The following UVRAG variants were observed in gnomAD, a reference collection of about 807,000 sequenced individuals.
UVRAG encodes the protein UV radiation resistance-associated gene protein.
In UVRAG, 19 loss-of-function variants were observed where a neutral mutation model predicts 78.0. That is an observed-to-expected ratio of 0.24 (90% CI 0.17 to 0.36). The LOEUF is 0.36. Among genes scored for constraint, UVRAG ranks in the 10% least tolerant of loss-of-function variants. The probability of loss-of-function intolerance (pLI) is 1.00; values close to 1 mark genes in which losing one functional copy is unlikely to be tolerated. For missense variants in UVRAG, 740 were observed against 853.8 expected, an observed-to-expected ratio of 0.87 and a Z score of 1.66; for synonymous variants, 323 against 324.6, an observed-to-expected ratio of 1.00 and a Z score of 0.05.
chr11:75,885,139 A>G lies in UVRAG; in HGVS notation c.433-3690A>G, dbSNP rs565941181. 8.6e-5 allele frequency among the ~76,000 whole-genome samples: 13 copies of G among 151,498 alleles called. No homozygotes were observed. The South Asian group carries it at 2.5e-3, about 29-fold the overall frequency. On this transcript the variant is annotated intron_variant, in intron 4 of 14. Transcript: ENST00000356136. ...TTCTTTTTTAATATTTCTGTTTTCA[A>G]TTTTTTTTGCTAGTATATGTAGAAA... is the stretch of plus-strand genomic sequence containing the variant.
intron 13 of UVRAG, among the ~76,000 whole-genome samples, chr11:76,089,034 C>T (rs904734839): frequency 6.6e-6 from 1 of 152,146 alleles, no homozygotes; most frequent in African/African-American, 2.4e-5. Context: ...TAGACTGAAC[C>T]AGTGACCTTC....
At chr11:76,049,343 A>G (rs1950820430) in intron 12 of UVRAG, among the ~76,000 whole-genome samples, 1 of 152,230 alleles carries the variant, frequency 6.6e-6, no homozygotes, top group South Asian at 2.1e-4. Flanking sequence ...TGGAAGTTAC[A>G]TGAATGAGAT....
intron 3 of UVRAG, among the ~76,000 whole-genome samples, chr11:75,864,185 A>T (rs964336309): frequency 1.3e-5 from 2 of 151,676 alleles, no homozygotes; most frequent in African/African-American, 2.4e-5. Flanking sequence ...CCTCCCAAGG[A>T]GCTGGGACTA....
intron 2 of UVRAG, 48 bp downstream of exon 2, chr11:75,852,048 T>C: frequency 7.3e-7 from 1 of 1,372,184 alleles, no homozygotes; most frequent in East Asian, 2.4e-5. Context: ...ATATTTTTAT[T>C]TTTTTTGTAA....
Position 75,910,181 on chromosome 11 carries a change from A to C in UVRAG, c.508-1773A>C, listed in dbSNP as rs539138741. ...TCACAGTTATTAGCATAAAGTTGTT[A>C]ATAATATTCTCCTAATATCCTTTAA... On this transcript the variant is annotated intron_variant, in intron 5 of 14. Transcript: ENST00000356136. 2.6e-5 allele frequency among the ~76,000 whole-genome samples: 4 copies of C among 152,372 alleles called. No homozygotes were observed. In the East Asian group the frequency reaches 7.7e-4, roughly 29 times the overall value.
In UVRAG at chr11:76,044,216, C is replaced by A. The variant is rs376722790; in HGVS notation, c.1227-21494C>A. 6.6e-5 allele frequency among the ~76,000 whole-genome samples: 10 copies of A among 152,194 alleles called. No individual in the cohort carries two copies. In the South Asian group the frequency reaches 8.3e-4, roughly 13 times the overall value. ...ACCTCTGTAGGAGGTTGAGAAATGT[C>A]TTTTTTCTAAGTGGCTTTTAAACTT... On this transcript the variant is annotated intron_variant, in intron 12 of 14. Transcript: ENST00000356136.
rs185349822 is a variant in UVRAG, at chr11:76,004,505, A to T, written c.911+416A>T. 9.9e-5 allele frequency among the ~76,000 whole-genome samples: 15 copies of T among 151,580 alleles called. 1 individual carries two copies. Among genetic ancestry groups the T allele is most frequent in the Non-Finnish European group, 4.4e-5 (3 of 67,894 alleles). On this transcript the variant is annotated intron_variant, in intron 9 of 14. Transcript: ENST00000356136. Reference sequence around the variant, plus strand: ...TTATCTCTCTAACATCAGTCTCTTCATCTTTCCAGATTGTTCTCCATGCTA... The same window carrying T: ...TTATCTCTCTAACATCAGTCTCTTCTTCTTTCCAGATTGTTCTCCATGCTA...
In UVRAG at chr11:76,142,252, G is replaced by C. The variant is rs1254798853; in HGVS notation, c.*839G>C. 1.3e-5 allele frequency: 2 copies of C among 152,164 alleles called. No homozygotes were observed. Among genetic ancestry groups the C allele is most frequent in the Non-Finnish European group, 2.9e-5 (2 of 68,024 alleles). The allele number at this position is 152,164 out of a possible 1,614,324, so 9.4% of individuals were successfully genotyped here. A position where few individuals can be genotyped will look rare whatever the true frequency, so the allele number is the denominator to read the frequency against. On this transcript the variant is annotated 3_prime_UTR_variant, in exon 15 of 15. Transcript: ENST00000356136. The stretch of plus-strand genomic sequence containing the variant: ...AGTTTTTATGTGGGCAGATGCTGTG[G>C]TCAGGAACTAGGCATGCTTTCTGGC...
chr11:76,125,429 T>G (rs1952366822), intron 14 of UVRAG, among the ~76,000 whole-genome samples: 1 of 152,220 alleles, frequency 6.6e-6, no homozygotes, highest in Admixed American at 6.5e-5. Flanking sequence ...GGGACCAGGC[T>G]TCTTCCATAA....
chr11:76,056,636 A>G (rs920328755), intron 12 of UVRAG, among the ~76,000 whole-genome samples: 1 of 152,200 alleles, frequency 6.6e-6, no homozygotes, highest in Non-Finnish European at 1.5e-5. Flanking sequence ...TGGTATTAAC[A>G]TGTTTATCTT....
At chr11:75,846,891 T>A (rs1168013190) in intron 1 of UVRAG, among the ~76,000 whole-genome samples, 1 of 152,124 alleles carries the variant, frequency 6.6e-6, no homozygotes, top group Non-Finnish European at 1.5e-5. Context: ...TGACATGATC[T>A]CAGCTCACTG....
chr11:75,894,599 C>A (rs955777454), intron 5 of UVRAG, among the ~76,000 whole-genome samples: 1 of 151,908 alleles, frequency 6.6e-6, no homozygotes, highest in African/African-American at 2.4e-5. Context: ...TTGGCTCACA[C>A]CTGTAATCCC....
intron 5 of UVRAG, among the ~76,000 whole-genome samples, chr11:75,899,608 G>T (rs975253441): frequency 2.0e-5 from 3 of 152,158 alleles, no homozygotes; most frequent in African/African-American, 7.2e-5. Context: ...TTTCTTAACC[G>T]CTATGCTGTA....
intron 1 of UVRAG, among the ~76,000 whole-genome samples, chr11:75,849,534 C>A (rs941959001): frequency 9.2e-5 from 14 of 151,782 alleles, no homozygotes; most frequent in Non-Finnish European, 8.8e-5. Flanking sequence ...AATAGTTAAC[C>A]TTGTAGGGTT....
At chr11:76,032,046 G>A (rs1390491928) in intron 12 of UVRAG, among the ~76,000 whole-genome samples, 1 of 152,086 alleles carries the variant, frequency 6.6e-6, no homozygotes, top group African/African-American at 2.4e-5. Context: ...GGAGAATGAG[G>A]GTAATTATAT....
At chr11:75,868,612 G>T (rs999808476) in intron 3 of UVRAG, among the ~76,000 whole-genome samples, 22 of 152,200 alleles carry the variant, frequency 1.4e-4, no homozygotes, top group African/African-American at 5.1e-4. Flanking sequence ...GCTTCAGCTA[G>T]CTGTGCCCTC....
intron 12 of UVRAG, among the ~76,000 whole-genome samples, chr11:76,018,819 AG>A (rs1313820334): frequency 6.6e-6 from 1 of 152,158 alleles, no homozygotes; most frequent in Non-Finnish European, 1.5e-5. Context: ...GCTTTAAGGT[AG>A]TCTTCTTTGA....
rs535332585 is a variant in UVRAG, at chr11:75,882,014, G to T, written c.432+1974G>T. On this transcript the variant is annotated intron_variant, in intron 4 of 14. Coordinates refer to ENST00000356136, the MANE Select transcript of UVRAG (RefSeq NM_003369.4). ...CACTGGTATATACATGTGGTCCTTG[G>T]TAACCCCCCACCCCACCTTGGAATG... Among the ~76,000 whole-genome samples, 10 of 152,160 alleles carry T rather than the reference G, an allele frequency of 6.6e-5. No individual in the cohort carries two copies. In the South Asian group the frequency reaches 2.1e-3, roughly 32 times the overall value.
intron 7 of UVRAG, among the ~76,000 whole-genome samples, chr11:75,981,234 C>T (rs1949385807): frequency 1.3e-5 from 2 of 152,068 alleles, no homozygotes; most frequent in Admixed American, 1.3e-4. Context: ...GCCTCAGCCT[C>T]CCGAATAGCT....
Sources: allele counts gnomAD v4.1 joint callset (sites outside exome capture counted in the v4.1 genomes callset), GRCh38; gene constraint gnomAD v4.1.1; transcripts MANE v1.5; gene names NCBI Gene and HGNC (gene_info 2026-07-23, HGNC 2026-07-21).